Variants in BTD observed in about 807,000 individuals in gnomAD.
The protein encoded by BTD is biocytinase.
BTD carries 13 observed loss-of-function variants against 17.7 expected under a neutral mutation model. The ratio of observed to expected loss-of-function variants is 0.74; its 90% CI spans 0.48 to 1.17. The LOEUF is 1.17. BTD is among the 50% of genes most tolerant of loss of function. The probability of loss-of-function intolerance (pLI) is 0.00; values close to 1 mark genes in which losing one functional copy is unlikely to be tolerated. For synonymous variants in BTD, 240 were observed against 245.2 expected (o/e 0.98, Z 0.20); for missense variants, 674 against 650.4 (o/e 1.04, Z -0.39).
At chr3:15,639,885 G>A (rs201803456) in intron 2 of BTD, among the ~76,000 whole-genome samples, 3 of 152,246 alleles carry the variant, frequency 2.0e-5, no homozygotes, top group Non-Finnish European at 2.9e-5. Context: ...CAAAGCGGGC[G>A]GATCACTTGA....
chr3:15,644,266 C>T (rs576572563), intron 3 of BTD, 50 bp from the exon 4 acceptor site: 2 of 1,563,282 alleles, frequency 1.3e-6, no homozygotes, highest in East Asian at 2.3e-5. Flanking sequence ...TCCCACAGTG[C>T]TGGGATTACA....
intron 3 of BTD, chr3:15,685,166 T>C (rs1032454447): frequency 1.9e-6 from 3 of 1,569,102 alleles, no homozygotes; most frequent in Non-Finnish European, 2.6e-6. Flanking sequence ...CTTATAAATA[T>C]GTCATTCTTT....
intron 4 of BTD, among the ~76,000 whole-genome samples, chr3:15,717,953 T>G (rs907121170): frequency 2.1e-4 from 32 of 152,274 alleles, no homozygotes; most frequent in Admixed American, 2.0e-4. Context: ...GAGAATGTAG[T>G]AGGAGGAAAA....
At chr3:15,665,251 T>C (rs1195383129) in intron 3 of BTD, among the ~76,000 whole-genome samples, 1 of 152,124 alleles carries the variant, frequency 6.6e-6, no homozygotes, top group African/African-American at 2.4e-5. Context: ...GCACTAGATA[T>C]CAGCATTTTT....
chr3:15,635,614 C>T lies in BTD; in HGVS notation c.175C>T (p.Arg59Cys), dbSNP rs104893687. 5 of 1,614,078 alleles carry T rather than the reference C, an allele frequency of 3.1e-6. No homozygotes were observed. Among genetic ancestry groups the T allele is most frequent in the African/African-American group, 1.3e-5 (1 of 74,922 alleles). Residue 59 changes from arginine to cysteine, a missense_variant, in exon 2 of 4, where the codon CGC becomes TGC. Transcript: ENST00000643237. The surrounding 1 kb of genome is among the most constrained non-coding windows in gnomAD (Gnocchi z 4.1). ...TCTGAACCCTCTGGCTCTCATCAGCCGCCAAGAGGCCTTGGAGCTCATGAA... is the reference window on the plus strand; with the variant it reads ...TCTGAACCCTCTGGCTCTCATCAGCTGCCAAGAGGCCTTGGAGCTCATGAA... ...LSLNPLALIS[R>C]QEALELMNQN...
intron 3 of BTD, chr3:15,676,048 C>A: frequency 7.2e-7 from 1 of 1,386,900 alleles, no homozygotes; most frequent in Non-Finnish European, 9.9e-7. Flanking sequence ...CATACACATA[C>A]ACACCTGGCT....
In BTD at chr3:15,647,964, C is replaced by G. The variant is rs981733249; in HGVS notation, c.*2476C>G. Among the ~76,000 whole-genome samples the G allele has an allele frequency of 6.6e-6, 1 of 152,220 alleles. No individual in the cohort carries two copies. Among genetic ancestry groups the G allele is most frequent in the East Asian group, 1.9e-4 (1 of 5,200 alleles). ...GCCCACCATGTCTGCTCTCAAGACA[C>G]AGGCCTGTCCAGAGCCCCTGCTGAG... On this transcript the variant is annotated 3_prime_UTR_variant, in exon 4 of 4. Transcript: ENST00000643237.
intron 3 of BTD, among the ~76,000 whole-genome samples, chr3:15,666,408 C>CCCCCT (rs1553567292): frequency 1.3e-5 from 2 of 151,994 alleles, no homozygotes; most frequent in African/African-American, 4.8e-5. Flanking sequence ...TTCATCTCCC[C>CCCCCT]CTTTCCTCAT....
rs148572659 is a variant in BTD, at chr3:15,721,475, T to C, written c.1016-295T>C. On this transcript the variant is annotated intron_variant, in intron 4 of 4. Transcript: ENST00000672427. ...GGATTTACTATAGAATTAATTATAA[T>C]CATAAAAAATGAACACAAACTGAAG... Among the ~76,000 whole-genome samples, 973 of 152,270 alleles carry C rather than the reference T, an allele frequency of 6.4e-3. 14 individuals carry two copies. Among genetic ancestry groups the C allele is most frequent in the African/African-American group, 0.022 (899 of 41,548 alleles).
rs397507171 is a variant in BTD, at chr3:15,635,624, C to A, written c.185C>A (p.Ala62Asp). 6.2e-7 allele frequency: 1 copy of A among 1,614,214 alleles called. No homozygotes were observed. Among genetic ancestry groups the A allele is most frequent in the Non-Finnish European group, 8.5e-7 (1 of 1,180,046 alleles). The change falls in exon 2 of 4, where the codon GCC becomes GAC. Residue 62 changes from alanine to aspartate, a missense_variant. Transcript: ENST00000643237. The surrounding 1 kb of genome is among the most constrained non-coding windows in gnomAD (Gnocchi z 4.1). Reference protein sequence around the residue: ...NPLALISRQEALELMNQNLDI... With the variant: ...NPLALISRQEDLELMNQNLDI... ...CTGGCTCTCATCAGCCGCCAAGAGGCCTTGGAGCTCATGAACCAGAACCTT... is the reference window on the plus strand; with the variant it reads ...CTGGCTCTCATCAGCCGCCAAGAGGACTTGGAGCTCATGAACCAGAACCTT...
At chr3:15,664,568 G>A (rs918390886) in intron 3 of BTD, among the ~76,000 whole-genome samples, 3 of 152,086 alleles carry the variant, frequency 2.0e-5, no homozygotes, top group African/African-American at 7.2e-5. Context: ...CTAAACAGTC[G>A]ATTCTGAGAA....
chr3:15,710,475 C>T (rs2072109355), exon 4 of BTD, among the ~76,000 whole-genome samples: 1 of 152,182 alleles, frequency 6.6e-6, no homozygotes, highest in Non-Finnish European at 1.5e-5. Flanking sequence ...CAGTCACATG[C>T]TCACAATCCA....
intron 1 of BTD, among the ~76,000 whole-genome samples, chr3:15,619,152 C>T (rs1171206189): frequency 2.0e-5 from 3 of 152,202 alleles, no homozygotes; most frequent in Admixed American, 2.0e-4. Context: ...TCTAGTTTCT[C>T]ACCACTAACT....
chr3:15,614,368 G>A (rs1327555615), intron 1 of BTD, among the ~76,000 whole-genome samples: 2 of 151,802 alleles, frequency 1.3e-5, no homozygotes, highest in African/African-American at 4.8e-5. Flanking sequence ...CTCTCATCTT[G>A]ACCTCCAAAG....
chr3:15,709,856 A>AT (rs1190341140), intron 3 of BTD: 1 of 589,740 alleles, frequency 1.7e-6, no homozygotes, highest in Non-Finnish European at 2.9e-6. Flanking sequence ...AAAAATGATG[A>AT]TTTACATTCT....
At position 15,644,379 on chromosome 3, in the gene BTD, A is replaced by T; in HGVS notation, c.463A>T (p.Thr155Ser). 6.2e-7 allele frequency: 1 copy of T among 1,614,046 alleles called. No homozygotes were observed. Among genetic ancestry groups the T allele is most frequent in the Non-Finnish European group, 8.5e-7 (1 of 1,180,012 alleles). ...GDMFLVANLG[T>S]KEPCHSSDPR... ...TATGTTCTTGGTGGCCAATCTTGGGACAAAGGAGCCTTGTCATAGCAGTGA... is the reference window on the plus strand; with the variant it reads ...TATGTTCTTGGTGGCCAATCTTGGGTCAAAGGAGCCTTGTCATAGCAGTGA... Residue 155 changes from threonine (T) to serine (S), a missense_variant, in exon 4 of 4, where the codon ACA becomes TCA. Coordinates refer to ENST00000643237, the MANE Select transcript of BTD (RefSeq NM_001370658.1).
chr3:15,672,503 C>T (rs546960623), intron 3 of BTD, among the ~76,000 whole-genome samples: 1 of 152,278 alleles, frequency 6.6e-6, no homozygotes, highest in Non-Finnish European at 1.5e-5. Flanking sequence ...AAGAGAACAA[C>T]TGATGTCCTT....
At chr3:15,695,570 A>T (rs1363929487) in intron 3 of BTD, among the ~76,000 whole-genome samples, 4 of 152,154 alleles carry the variant, frequency 2.6e-5, no homozygotes, top group Non-Finnish European at 5.9e-5. Context: ...AGGTAAGTCT[A>T]AATAAGAGCA....
chr3:15,686,201 C>G, intron 3 of BTD: 1 of 1,589,370 alleles, frequency 6.3e-7, no homozygotes, highest in Non-Finnish European at 8.6e-7. Context: ...TGTGATGCAA[C>G]AATTATTTAT....
Sources: gnomAD v4.1 joint callset for allele counts (sites outside exome capture counted in the v4.1 genomes callset) on GRCh38, gnomAD v4.1.1 for gene constraint, Gnocchi (gnomAD v3.1) non-coding constraint, MANE v1.5 for transcripts, NCBI Gene and HGNC (gene_info 2026-07-23, HGNC 2026-07-21) for gene names.